Variants in CMSS1 observed in about 807,000 individuals in gnomAD.
CMSS1 encodes the protein cms1 ribosomal small subunit homolog.
Under a neutral mutation model 43.5 loss-of-function variants are expected in CMSS1, and 33 were observed. The observed-to-expected ratio is 0.76, with a 90% confidence interval of 0.57 to 1.01. The LOEUF (loss-of-function observed/expected upper bound fraction) is 1.01, where lower values mean the gene tolerates loss of function less well. CMSS1 is among the 50% of genes least tolerant of loss of function. CMSS1 has a pLI of 0.00. For synonymous variants in CMSS1, 115 were observed against 117.2 expected (o/e 0.98, Z 0.12); for missense variants, 313 against 326.4 (o/e 0.96, Z 0.32).
chr3:99,848,893 T>C, intron 1 of CMSS1: 2 of 1,614,134 alleles, frequency 1.2e-6, no homozygotes, highest in South Asian at 1.1e-5. Context: ...CGTGTAAGAG[T>C]GAGGACTCTC....
Position 100,095,561 on chromosome 3 carries a change from T to C in CMSS1, c.65-51412T>C, listed in dbSNP as rs1167529582. ...TAAATGGTGCTAGGAAAACTGGACATTTATGTGCAGAAGAATGAAACTTGA... is the reference window on the plus strand; with the variant it reads ...TAAATGGTGCTAGGAAAACTGGACACTTATGTGCAGAAGAATGAAACTTGA... On this transcript the variant is annotated intron_variant, in intron 1 of 9. Coordinates refer to ENST00000421999, the MANE Select transcript of CMSS1 (RefSeq NM_032359.4). Among the ~76,000 whole-genome samples the C allele has an allele frequency of 5.9e-5, 9 of 152,006 alleles. No homozygotes were observed. The East Asian group carries it at 1.2e-3, about 20-fold the overall frequency.
At chr3:100,168,497 C>T (rs924281519) in intron 6 of CMSS1, among the ~76,000 whole-genome samples, 21 of 152,208 alleles carry the variant, frequency 1.4e-4, no homozygotes, top group African/African-American at 5.1e-4. Context: ...AGCTTGAGAC[C>T]AGCCTGGGCA....
At chr3:99,971,159 A>C (rs1261216926) in intron 1 of CMSS1, among the ~76,000 whole-genome samples, 2 of 152,176 alleles carry the variant, frequency 1.3e-5, no homozygotes, top group East Asian at 3.9e-4. Context: ...AACATGGTGA[A>C]ACCCCGTCTC....
chr3:99,901,321 T>C (rs1706429185), intron 1 of CMSS1, among the ~76,000 whole-genome samples: 1 of 152,178 alleles, frequency 6.6e-6, no homozygotes, highest in Non-Finnish European at 1.5e-5. Context: ...AAAATTGATA[T>C]TTATTTCTAA....
chr3:100,052,854 T>C (rs973946982), intron 1 of CMSS1, among the ~76,000 whole-genome samples: 3 of 152,234 alleles, frequency 2.0e-5, no homozygotes, highest in Admixed American at 6.5e-5. Context: ...TTTTTAAATA[T>C]GTAAATATCC....
chr3:100,161,049 C>T lies in CMSS1; in HGVS notation c.225+548C>T, dbSNP rs1457506152. 3.3e-5 allele frequency among the ~76,000 whole-genome samples: 5 copies of T among 152,188 alleles called. No homozygotes were observed. In the East Asian group the frequency reaches 9.6e-4, roughly 29 times the overall value. On this transcript the variant is annotated intron_variant, in intron 3 of 9. Transcript: ENST00000421999. ...CACAGGAAAGACTCTTTCTCATATA[C>T]AAACTTTTTTATGGCTCAGCCTTGG...
chr3:99,997,274 A>C (rs1430615714), intron 1 of CMSS1, among the ~76,000 whole-genome samples: 2 of 152,206 alleles, frequency 1.3e-5, no homozygotes, highest in African/African-American at 4.8e-5. Context: ...AAAAGGAGGC[A>C]TTTTTTACAA....
At chr3:100,128,375 T>G (rs1310355692) in intron 1 of CMSS1, among the ~76,000 whole-genome samples, 1 of 152,230 alleles carries the variant, frequency 6.6e-6, no homozygotes, top group Non-Finnish European at 1.5e-5. Flanking sequence ...ATATTATATT[T>G]ACTTCATTAA....
At chr3:99,891,105 C>T (rs1485874050) in intron 1 of CMSS1, among the ~76,000 whole-genome samples, 2 of 150,758 alleles carry the variant, frequency 1.3e-5, no homozygotes, top group South Asian at 2.1e-4. Context: ...TGCAAATTCT[C>T]GTGTGGGCTA....
chr3:100,013,138 A>G (rs1710211698), intron 1 of CMSS1, among the ~76,000 whole-genome samples: 1 of 152,012 alleles, frequency 6.6e-6, no homozygotes, highest in Non-Finnish European at 1.5e-5. Flanking sequence ...TGGCCTCCCA[A>G]AGTGCTGGGA....
intron 1 of CMSS1, among the ~76,000 whole-genome samples, chr3:99,822,865 G>A (rs181762384): frequency 6.6e-6 from 1 of 152,248 alleles, no homozygotes; most frequent in African/African-American, 2.4e-5. Context: ...TACACCAGCG[G>A]TAGTTACTGT....
At chr3:99,949,861 C>A (rs1354892102) in intron 1 of CMSS1, among the ~76,000 whole-genome samples, 1 of 152,162 alleles carries the variant, frequency 6.6e-6, no homozygotes, top group Non-Finnish European at 1.5e-5. Flanking sequence ...AAATCCATCA[C>A]AATTATTACC....
chr3:100,088,622 A>G (rs922970029), intron 1 of CMSS1, among the ~76,000 whole-genome samples: 1 of 152,128 alleles, frequency 6.6e-6, no homozygotes, highest in Non-Finnish European at 1.5e-5. Flanking sequence ...AGAGACATCA[A>G]GTTCTTGCAC....
chr3:100,144,827 A>G (rs115143328), intron 1 of CMSS1, among the ~76,000 whole-genome samples: 112 of 152,302 alleles, frequency 7.4e-4, no homozygotes, highest in African/African-American at 2.6e-3. Flanking sequence ...GTCTGGGATA[A>G]TGAGGCAAAA....
chr3:100,084,741 C>G (rs185015260), intron 1 of CMSS1, among the ~76,000 whole-genome samples: 63 of 152,240 alleles, frequency 4.1e-4, no homozygotes, highest in South Asian at 3.1e-3. Flanking sequence ...TATTTGTGTT[C>G]CGAAAACTGA....
chr3:100,138,897 GT>G (rs2066778485), intron 1 of CMSS1, among the ~76,000 whole-genome samples: 2 of 152,222 alleles, frequency 1.3e-5, no homozygotes, highest in Non-Finnish European at 2.9e-5. Context: ...GCACGCGTAT[GT>G]TTATTGCAGC....
chr3:100,106,617 GT>G lies in CMSS1; in HGVS notation c.65-40353del, dbSNP rs747359630. Among the ~76,000 whole-genome samples the G allele has an allele frequency of 6.6e-5, 10 of 152,240 alleles. No individual in the cohort carries two copies. In the East Asian group the frequency reaches 1.9e-3, roughly 29 times the overall value. Reference sequence around the variant, plus strand: ...TGTGGGTATCATTTTCTCTAACTGTGTTTCCCTGGTAAGGGCTGTAGGATCC... The same window carrying G: ...TGTGGGTATCATTTTCTCTAACTGTGTTCCCTGGTAAGGGCTGTAGGATCC... On this transcript the variant is annotated intron_variant, in intron 1 of 9. Transcript: ENST00000421999.
At position 99,857,738 on chromosome 3, in the gene CMSS1, G is replaced by A. The variant is rs376462865; in HGVS notation, c.64+39695G>A. Among the ~76,000 whole-genome samples, 3 of 152,192 alleles carry A rather than the reference G, an allele frequency of 2.0e-5. No individual in the cohort carries two copies. The East Asian group carries it at 5.8e-4, about 29-fold the overall frequency. Reference sequence around the variant, plus strand: ...TAATGGTACTGTATTGTTTCTATTAGTTTCAGAAATCAGCCTGTAAATAGA... The same window carrying A: ...TAATGGTACTGTATTGTTTCTATTAATTTCAGAAATCAGCCTGTAAATAGA... On this transcript the variant is annotated intron_variant, in intron 1 of 9. Transcript: ENST00000421999.
intron 1 of CMSS1, among the ~76,000 whole-genome samples, chr3:100,081,587 G>T (rs1487435669): frequency 6.6e-6 from 1 of 152,160 alleles, no homozygotes; most frequent in Non-Finnish European, 1.5e-5. Flanking sequence ...TTTGGCCTCT[G>T]CACCCTAATT....
Sources: gnomAD v4.1 joint callset for allele counts (sites outside exome capture counted in the v4.1 genomes callset) on GRCh38, gnomAD v4.1.1 for gene constraint, MANE v1.5 for transcripts, NCBI Gene and HGNC (gene_info 2026-07-23, HGNC 2026-07-21) for gene names.